The following FER1L6 variants were observed in gnomAD, a reference collection of about 807,000 sequenced individuals.
FER1L6 encodes the protein fer-1 like family member 6, also known as fer-1-like protein 6.
A neutral mutation model predicts 219.2 loss-of-function variants in FER1L6; 177 were observed. The ratio of observed to expected loss-of-function variants is 0.81; its 90% CI spans 0.71 to 0.91. The LOEUF (loss-of-function observed/expected upper bound fraction) is 0.91, where lower values mean the gene tolerates loss of function less well. FER1L6 is among the 40% of genes least tolerant of loss of function. The pLI, the probability that FER1L6 is intolerant of heterozygous loss-of-function variation, is 0.00. For missense variants in FER1L6, 2,153 were observed against 2,259.9 expected (o/e 0.95, Z 0.96); for synonymous variants, 768 against 824.3 (o/e 0.93, Z 1.17).
At chr8:123,929,386 C>A (rs1463956340) in intron 1 of FER1L6, among the ~76,000 whole-genome samples, 1 of 152,086 alleles carries the variant, frequency 6.6e-6, no homozygotes, top group Non-Finnish European at 1.5e-5. Context: ...ATAATTTATC[C>A]ACAGAGACAT....
At chr8:124,036,588 C>T (rs1563757712) in intron 19 of FER1L6, among the ~76,000 whole-genome samples, 1 of 152,166 alleles carries the variant, frequency 6.6e-6, no homozygotes, top group Non-Finnish European at 1.5e-5. Context: ...TTTCTACTGT[C>T]TTCCACCATA....
Position 123,953,010 on chromosome 8 carries a change from C to G in FER1L6, c.-7-2982C>G, listed in dbSNP as rs76750099. ...ATCCAACCCCAAATTCTAGAGCTAA[C>G]AATGAATTCAGGCAGGTGCCCAAGC... On this transcript the variant is annotated intron_variant, in intron 1 of 40. Transcript: ENST00000522917. 1.0e-3 allele frequency among the ~76,000 whole-genome samples: 152 copies of G among 152,238 alleles called. 1 individual carries two copies. The highest frequency in any genetic ancestry group is 3.5e-3 in the African/African-American group (145 of 41,562).
At chr8:123,921,034 A>G (rs867542833) in intron 1 of FER1L6, among the ~76,000 whole-genome samples, 1 of 152,194 alleles carries the variant, frequency 6.6e-6, no homozygotes, top group Non-Finnish European at 1.5e-5. Context: ...GATTTCCTTC[A>G]TTGTTATAGT....
intron 33 of FER1L6, 140 bp downstream of exon 33, chr8:124,082,598 C>G (rs1821607874): frequency 1.4e-6 from 1 of 707,206 alleles, no homozygotes; most frequent in Non-Finnish European, 2.3e-6. Flanking sequence ...GGCTCCACAT[C>G]AGCAGAGCTG....
intron 31 of FER1L6, among the ~76,000 whole-genome samples, chr8:124,072,082 T>C (rs549456604): frequency 1.3e-5 from 2 of 152,280 alleles, no homozygotes; most frequent in Admixed American, 6.5e-5. Context: ...TTTCTGAGCA[T>C]ATAGGACTGT....
intron 1 of FER1L6, among the ~76,000 whole-genome samples, chr8:123,891,867 T>C (rs911025090): frequency 2.0e-5 from 3 of 152,198 alleles, no homozygotes; most frequent in African/African-American, 7.2e-5. Context: ...CCAGAGACTA[T>C]AGCAGAAGAG....
In FER1L6 at chr8:123,924,509, G is replaced by A. The variant is rs1002828921; in HGVS notation, c.-7-31483G>A. On this transcript the variant is annotated intron_variant, in intron 1 of 40. Transcript: ENST00000522917. ...GTGAGCCGAGATCATACTTCAGCCC[G>A]GGTAACGAGACTGAAACTCCATCTC... Among the ~76,000 whole-genome samples, 13 of 149,840 alleles carry A rather than the reference G, an allele frequency of 8.7e-5. 2 individuals are homozygous for A. Among genetic ancestry groups the A allele is most frequent in the Admixed American group, 5.4e-4 (8 of 14,858 alleles).
At chr8:124,019,497 C>T (rs188385712) in intron 16 of FER1L6, among the ~76,000 whole-genome samples, 87 of 152,310 alleles carry the variant, frequency 5.7e-4, no homozygotes, top group African/African-American at 1.8e-3. Context: ...TTCTCCCTGT[C>T]CCAGACCTGG....
intron 40 of FER1L6, 150 bp downstream of exon 40, chr8:124,119,094 C>G: frequency 1.6e-6 from 1 of 639,942 alleles, no homozygotes; most frequent in Non-Finnish European, 2.7e-6. Context: ...ACCTGTGTAG[C>G]TTTTCGAAGA....
intron 1 of FER1L6, among the ~76,000 whole-genome samples, chr8:123,902,279 C>T (rs1812873619): frequency 6.6e-6 from 1 of 152,072 alleles, no homozygotes; most frequent in African/African-American, 2.4e-5. Context: ...AATGTGTATT[C>T]TGGGGTTGTT....
chr8:124,033,656 A>C (rs1374923560), intron 18 of FER1L6, among the ~76,000 whole-genome samples: 1 of 152,224 alleles, frequency 6.6e-6, no homozygotes, highest in East Asian at 1.9e-4. Context: ...AGCTCTTAGC[A>C]TCATTCCTGG....
In FER1L6 at chr8:124,045,755, C is replaced by G. The variant is rs1487235293; in HGVS notation, c.2590-12C>G. 3 of 1,613,732 alleles carry G rather than the reference C, an allele frequency of 1.9e-6. No individual in the cohort carries two copies. Among genetic ancestry groups the G allele is most frequent in the Non-Finnish European group, 1.7e-6 (2 of 1,179,904 alleles). On this transcript the variant is annotated splice_polypyrimidine_tract_variant and intron_variant, in intron 20 of 40. Coordinates refer to ENST00000522917, the MANE Select transcript of FER1L6 (RefSeq NM_001039112.2). ...GAATGATCTTTTGCTTTTCTTTGGT[C>G]CCTGCTTCCAGATAATCTCCCAGAC...
chr8:123,952,394 A>G (rs996286455), intron 1 of FER1L6, among the ~76,000 whole-genome samples: 2 of 152,186 alleles, frequency 1.3e-5, no homozygotes, highest in African/African-American at 4.8e-5. Flanking sequence ...CAAATCTAAC[A>G]TGTGCCTCAT....
chr8:124,118,744 A>G lies in FER1L6; in HGVS notation c.5290-100A>G, dbSNP rs1823353007. The G allele has an allele frequency of 4.9e-6, 5 of 1,016,550 alleles. No individual in the cohort carries two copies. The Admixed American group carries it at 7.3e-5, about 15-fold the overall frequency. The allele number at this position is 1,016,550 out of a possible 1,614,324, so 63.0% of individuals were successfully genotyped here. On this transcript the variant is annotated intron_variant, in intron 39 of 40. Coordinates refer to ENST00000522917, the MANE Select transcript of FER1L6 (RefSeq NM_001039112.2). ...AATAAAGCAGCGGGATAATCAAAATACTTTCTGGAATTCTCCAACTTGGTA... is the reference window on the plus strand; with the variant it reads ...AATAAAGCAGCGGGATAATCAAAATGCTTTCTGGAATTCTCCAACTTGGTA...
chr8:124,115,622 G>T (rs1187507738), intron 39 of FER1L6, among the ~76,000 whole-genome samples: 17 of 152,158 alleles, frequency 1.1e-4, no homozygotes, highest in Non-Finnish European at 1.0e-4. Context: ...TAAACTGCAT[G>T]TTTCTATTGA....
chr8:123,991,937 G>C (rs1478034444), intron 12 of FER1L6, among the ~76,000 whole-genome samples: 1 of 151,848 alleles, frequency 6.6e-6, no homozygotes, highest in East Asian at 1.9e-4. Context: ...TTTATTGAAT[G>C]CTTTTGCTGC....
chr8:124,113,540 T>G (rs923438353), intron 39 of FER1L6, among the ~76,000 whole-genome samples: 3 of 152,198 alleles, frequency 2.0e-5, no homozygotes, highest in African/African-American at 7.2e-5. Context: ...CATGTCTCCA[T>G]CTAGAAAAAG....
chr8:124,106,944 CT>C (rs10561745), intron 39 of FER1L6, among the ~76,000 whole-genome samples: 154 of 127,804 alleles, frequency 1.2e-3, no homozygotes, highest in African/African-American at 3.5e-3. Flanking sequence ...ATAAGGTTTT[CT>C]TTTTTTTTTT....
intron 18 of FER1L6, among the ~76,000 whole-genome samples, 192 bp downstream of exon 18, chr8:124,023,788 G>GT (rs1426531078): frequency 4.6e-5 from 7 of 151,882 alleles, no homozygotes; most frequent in East Asian, 3.9e-4. Context: ...AATTTTTTCA[G>GT]TTTTTTTAAC....
Sources: gnomAD v4.1 joint callset for allele counts (sites outside exome capture counted in the v4.1 genomes callset) on GRCh38, gnomAD v4.1.1 for gene constraint, MANE v1.5 for transcripts, NCBI Gene and HGNC (gene_info 2026-07-23, HGNC 2026-07-21) for gene names.